The following PRSS23 variants were observed in gnomAD, a reference collection of about 807,000 sequenced individuals.
The protein encoded by PRSS23 is protease, serine 23.
A neutral mutation model predicts 34.7 loss-of-function variants in PRSS23; 25 were observed. The observed-to-expected ratio is 0.72, with a 90% CI of 0.53 to 1.01. The LOEUF is 1.01. PRSS23 is among the 50% of genes least tolerant of loss of function. The pLI, the probability that PRSS23 is intolerant of heterozygous loss-of-function variation, is 0.00. For missense variants in PRSS23, 445 were observed against 475.6 expected, an observed-to-expected ratio of 0.94 and a Z score of 0.60; for synonymous variants, 176 against 186.6, an observed-to-expected ratio of 0.94 and a Z score of 0.46.
chr11:86,908,571 T>C (rs915078983), intron 2 of PRSS23, among the ~76,000 whole-genome samples: 6 of 152,144 alleles, frequency 3.9e-5, no homozygotes, highest in East Asian at 1.9e-4. Context: ...AGGGAAGCAA[T>C]TGGATAAATG....
At chr11:86,793,462 A>G (rs1947963713) in intron 1 of PRSS23, among the ~76,000 whole-genome samples, 1 of 152,228 alleles carries the variant, frequency 6.6e-6, no homozygotes, top group African/African-American at 2.4e-5. Context: ...ATCATGGACA[A>G]ATGGCACCTA....
intron 2 of PRSS23, among the ~76,000 whole-genome samples, chr11:86,851,445 C>T (rs1188083301): frequency 2.0e-5 from 3 of 152,146 alleles, no homozygotes; most frequent in Admixed American, 2.0e-4. Context: ...CTGTGGTCTA[C>T]CAGGAACCCC....
At chr11:86,934,034 C>G (rs1345362263) in intron 2 of PRSS23, 1 of 152,150 alleles carries the variant, frequency 6.6e-6, no homozygotes, top group Non-Finnish European at 1.5e-5. Flanking sequence ...AGTGTAAATT[C>G]GAGACTGTGT....
chr11:86,824,831 AG>A (rs1182747563), intron 2 of PRSS23, among the ~76,000 whole-genome samples: 1 of 152,146 alleles, frequency 6.6e-6, no homozygotes, highest in Non-Finnish European at 1.5e-5. Flanking sequence ...ATGGCTGCAT[AG>A]TATTCCATGA....
At chr11:86,811,646 T>A (rs1948179243), downstream of PRSS23, among the ~76,000 whole-genome samples, 1 of 152,180 alleles carries the variant, frequency 6.6e-6, no homozygotes, top group African/African-American at 2.4e-5. Context: ...AAAAAGGGAT[T>A]GAAATACCAA....
chr11:86,939,426 A>ATATT, intron 2 of PRSS23, among the ~76,000 whole-genome samples: 15 of 94,070 alleles, frequency 1.6e-4, no homozygotes, highest in East Asian at 3.0e-4. Flanking sequence ...ATATATATAT[A>ATATT]TTTTTTAACA....
intron 2 of PRSS23, chr11:86,911,455 TTCAACCCTGGCCTCCTTCCATCC>T (rs1283980419): frequency 6.6e-6 from 1 of 152,172 alleles, no homozygotes; most frequent in South Asian, 2.1e-4. Context: ...CAGGTAGTTT[TTCAACCCTGGCCTCCTTCCATCC>T]TCCTCCCTTT....
At chr11:86,819,686 C>G (rs957870399) in intron 1 of PRSS23, among the ~76,000 whole-genome samples, 8 of 152,076 alleles carry the variant, frequency 5.3e-5, no homozygotes, top group African/African-American at 1.9e-4. Flanking sequence ...TACTACTGTT[C>G]CCCACACTTT....
At chr11:86,902,301 A>G (rs533192189) in intron 2 of PRSS23, among the ~76,000 whole-genome samples, 12 of 152,286 alleles carry the variant, frequency 7.9e-5, no homozygotes, top group Non-Finnish European at 1.6e-4. Flanking sequence ...TAGACTCAGC[A>G]TGTCTTCTGA....
At chr11:86,814,821 T>C (rs558206825), downstream of PRSS23, among the ~76,000 whole-genome samples, 62 of 152,288 alleles carry the variant, frequency 4.1e-4, no homozygotes, top group African/African-American at 1.3e-3. Flanking sequence ...AGACATGGGC[T>C]CAGGGAGGCC....
At chr11:86,917,144 A>C (rs188494828) in intron 2 of PRSS23, among the ~76,000 whole-genome samples, 2,051 of 152,034 alleles carry the variant, frequency 0.013, 40 homozygotes, top group African/African-American at 0.046. Context: ...ACATGGCAAA[A>C]CCCCATCTCT....
rs915473515 is a variant in PRSS23 at position 86,810,006 on chromosome 11, C to T, written c.*1211C>T. 1 of 166,938 alleles carries T rather than the reference C, an allele frequency of 6.0e-6. No individual in the cohort carries two copies. Among genetic ancestry groups the T allele is most frequent in the African/African-American group, 2.4e-5 (1 of 41,432 alleles). The allele number at this position is 166,938 out of a possible 1,614,324, so 10.3% of individuals were successfully genotyped here. A position where few individuals can be genotyped will look rare whatever the true frequency, so the allele number is the denominator to read the frequency against. On this transcript the variant is annotated 3_prime_UTR_variant, in exon 2 of 2. Coordinates refer to ENST00000280258, the MANE Select transcript of PRSS23 (RefSeq NM_007173.6). Reference sequence around the variant, plus strand: ...TCTAGCTTTAAAAGGGCCGCTTTTGCTGGAATGCTCTAGGTTATAGATAAA... The same window carrying T: ...TCTAGCTTTAAAAGGGCCGCTTTTGTTGGAATGCTCTAGGTTATAGATAAA...
chr11:86,815,023 A>C (rs765728025), downstream of PRSS23, among the ~76,000 whole-genome samples: 2 of 152,248 alleles, frequency 1.3e-5, no homozygotes, highest in Non-Finnish European at 2.9e-5. Context: ...ATAAAGAGCA[A>C]GAACAGCTTT....
At chr11:86,878,439 T>C (rs1948741515) in intron 2 of PRSS23, among the ~76,000 whole-genome samples, 1 of 152,096 alleles carries the variant, frequency 6.6e-6, no homozygotes, top group Admixed American at 6.5e-5. Context: ...CTTTTCGTAT[T>C]TTTTTGGTGG....
chr11:86,808,605 A>T lies in PRSS23; in HGVS notation c.962A>T (p.Tyr321Phe). The T allele has an allele frequency of 1.2e-6, 2 of 1,614,216 alleles. No homozygotes were observed. Among genetic ancestry groups the T allele is most frequent in the Non-Finnish European group, 1.7e-6 (2 of 1,180,036 alleles). Residue 321 changes from tyrosine to phenylalanine, a missense_variant, in exon 2 of 2, where the codon TAT (tyrosine) becomes TTT (phenylalanine). Physicochemically the swap from Tyr to Phe is conservative, Grantham distance 22 (BLOSUM62 3). Transcript: ENST00000280258. ...CCAGGGGCCAGCGGGTCTGGGGTCT[A>T]TGTGAGGATGTGGAAGAGACAGCAG... is the stretch of plus-strand genomic sequence containing the variant. ...AQPGASGSGV[Y>F]VRMWKRQQQK...
chr11:86,931,901 C>T (rs907961699), intron 2 of PRSS23, among the ~76,000 whole-genome samples: 5 of 152,184 alleles, frequency 3.3e-5, no homozygotes, highest in South Asian at 2.1e-4. Context: ...AGAAGGGTGA[C>T]GGTAGCCTGG....
Position 86,867,389 on chromosome 11 carries a change from T to C in PRSS23, c.206+43796T>C, listed in dbSNP as rs372271068. On this transcript the variant is annotated intron_variant, in intron 2 of 2. Coordinates refer to the PRSS23 transcript ENST00000533902. The stretch of plus-strand genomic sequence containing the variant: ...ATGGGAACTGTGGTTTACAACTGTC[T>C]CCTAGATCAAACCCACAGTGTCTTA... 1.7e-3 allele frequency among the ~76,000 whole-genome samples: 255 copies of C among 152,334 alleles called. 4 individuals carry two copies. Among genetic ancestry groups the C allele is most frequent in the African/African-American group, 5.8e-3 (242 of 41,578 alleles).
At chr11:86,928,614 G>A (rs1245265396) in intron 2 of PRSS23, among the ~76,000 whole-genome samples, 1 of 133,846 alleles carries the variant, frequency 7.5e-6, no homozygotes, top group East Asian at 2.2e-4. Context: ...GACGGAGCTT[G>A]CAGTGAGCCG....
At chr11:86,952,083 C>G in exon 3 of PRSS23, 1 of 1,614,112 alleles carries the variant, frequency 6.2e-7, no homozygotes, top group Non-Finnish European at 8.5e-7. Context: ...CTGGCCCACA[C>G]AGCCATCCAG....
Sources: allele counts gnomAD v4.1 joint callset (sites outside exome capture counted in the v4.1 genomes callset), GRCh38; gene constraint gnomAD v4.1.1; transcripts MANE v1.5; gene names NCBI Gene and HGNC (gene_info 2026-07-23, HGNC 2026-07-21).